HAGH: variants seen among roughly 807,000 people sequenced by gnomAD.
HAGH encodes hydroxyacylglutathione hydrolase.
A neutral mutation model predicts 35.1 loss-of-function variants in HAGH; 29 were observed. The observed-to-expected ratio is 0.83, with a 90% CI of 0.62 to 1.13. The LOEUF (loss-of-function observed/expected upper bound fraction) is 1.13, where lower values mean the gene tolerates loss of function less well. Among genes scored for constraint, HAGH ranks in the 50% most tolerant of loss-of-function variants. HAGH has a pLI of 0.00. For synonymous variants in HAGH, 225 were observed against 176.1 expected (o/e 1.28, Z -2.20); for missense variants, 478 against 419.6 (o/e 1.14, Z -1.22).
At chr16:1,825,960 T>A (rs534984351) in intron 1 of HAGH, among the ~76,000 whole-genome samples, 25 of 152,304 alleles carry the variant, frequency 1.6e-4, no homozygotes, top group African/African-American at 6.0e-4. Context: ...TAGAATGGGG[T>A]ACGCACGCCC....
chr16:1,817,839 C>T (rs886426181), intron 5 of HAGH, among the ~76,000 whole-genome samples: 1 of 152,212 alleles, frequency 6.6e-6, no homozygotes, highest in African/African-American at 2.4e-5. Flanking sequence ...TGCTGCTTCG[C>T]GGCTGTCCTG....
At chr16:1,817,852 C>T (rs1013261844) in intron 5 of HAGH, among the ~76,000 whole-genome samples, 13 of 152,238 alleles carry the variant, frequency 8.5e-5, no homozygotes, top group African/African-American at 3.1e-4. Flanking sequence ...CTGTCCTGGC[C>T]TCGCTGACCT....
At chr16:1,815,411 T>C (rs1897845263) in intron 7 of HAGH, among the ~76,000 whole-genome samples, 1 of 152,188 alleles carries the variant, frequency 6.6e-6, no homozygotes, top group African/African-American at 2.4e-5. Context: ...AGCAAAAAAC[T>C]GGAAACAGAC....
intron 1 of HAGH, among the ~76,000 whole-genome samples, chr16:1,825,039 C>T (rs1898334398): frequency 6.6e-6 from 1 of 152,210 alleles, no homozygotes. Context: ...AAAATACTGC[C>T]CACGTGCGGT....
chr16:1,826,798 G>T lies in HAGH; in HGVS notation c.-11C>A. 8.2e-7 allele frequency: 1 copy of T among 1,218,688 alleles called. No homozygotes were observed. Among genetic ancestry groups the T allele is most frequent in the Non-Finnish European group, 1.0e-6 (1 of 977,424 alleles). 75.5% of individuals were successfully genotyped at this position (1,218,688 alleles called of 1,614,324 possible). On this transcript the variant is annotated 5_prime_UTR_variant, in exon 1 of 9. Coordinates refer to ENST00000397356, the MANE Select transcript of HAGH (RefSeq NM_005326.6). ...TCGGCCCACCACCATGACCCGGGCC[G>T]GGCTGGACTGCCGAGCTGCCCAGGA...
intron 5 of HAGH, among the ~76,000 whole-genome samples, chr16:1,817,519 C>G (rs1897960982): frequency 6.6e-6 from 1 of 150,544 alleles, no homozygotes; most frequent in African/African-American, 2.5e-5. Flanking sequence ...TCCTCCCTCA[C>G]TGCCCCCAAT....
At chr16:1,817,414 C>T in intron 5 of HAGH, 143 bp from the exon 6 acceptor site, 3 of 657,518 alleles carry the variant, frequency 4.6e-6, no homozygotes, top group South Asian at 3.5e-5. Context: ...TGCCCAGACT[C>T]AGCCCCCCTG....
chr16:1,823,855 C>T (rs28629422), intron 1 of HAGH, among the ~76,000 whole-genome samples: 7,243 of 150,506 alleles, frequency 0.048, 463 homozygotes, highest in East Asian at 0.15. Context: ...TTCAGACTTA[C>T]GATCTCTATT....
intron 1 of HAGH, among the ~76,000 whole-genome samples, chr16:1,825,767 G>A (rs1257039089): frequency 3.9e-5 from 6 of 152,268 alleles, no homozygotes; most frequent in South Asian, 2.1e-4. Context: ...TAGCGATGAG[G>A]TCTCAACATG....
At chr16:1,817,945 T>TCTC (rs60015749) in intron 5 of HAGH, among the ~76,000 whole-genome samples, 14,031 of 152,200 alleles carry the variant, frequency 0.092, 789 homozygotes, top group African/African-American at 0.16. Context: ...CCGCCCCACT[T>TCTC]CTCACCACCT....
chr16:1,823,664 G>C (rs963766888), intron 1 of HAGH, among the ~76,000 whole-genome samples: 11 of 144,086 alleles, frequency 7.6e-5, no homozygotes, highest in African/African-American at 2.8e-4. Flanking sequence ...GATCACTTGA[G>C]CCCAGGAGTT....
intron 5 of HAGH, 126 bp from the exon 6 acceptor site, chr16:1,817,397 C>T (rs537415852): frequency 1.5e-6 from 1 of 679,602 alleles, no homozygotes; most frequent in African/African-American, 1.8e-5. Flanking sequence ...TGCCCTCCGG[C>T]CACGGCTGCC....
chr16:1,810,068 G>A (rs1031426984), intron 7 of HAGH: 1 of 552,250 alleles, frequency 1.8e-6, no homozygotes. Context: ...AGGGGGCTGA[G>A]GTGGGAGGAT....
At position 1,826,814 on chromosome 16, in the gene HAGH, CT is replaced by C; in HGVS notation, c.-28del. ...ACCCGGGCCGGGCTGGACTGCCGAGCTGCCCAGGACTGCAAAACACCGGCGT... is the reference window on the plus strand; with the variant it reads ...ACCCGGGCCGGGCTGGACTGCCGAGCGCCCAGGACTGCAAAACACCGGCGT... On this transcript the variant is annotated 5_prime_UTR_variant, in exon 1 of 9. Transcript: ENST00000397356. 1 of 1,200,844 alleles carries C rather than the reference CT, an allele frequency of 8.3e-7. No individual in the cohort carries two copies. The highest frequency in any genetic ancestry group is 1.0e-6 in the Non-Finnish European group (1 of 958,882). 74.4% of individuals were successfully genotyped at this position (1,200,844 alleles called of 1,614,324 possible).
In HAGH at chr16:1,816,892, C is replaced by T. The variant is rs756991738; in HGVS notation, c.747+1G>A. 1.2e-5 allele frequency: 19 copies of T among 1,605,836 alleles called. No homozygotes were observed. The highest frequency in any genetic ancestry group is 1.4e-5 in the Non-Finnish European group (17 of 1,172,886). On this transcript the variant is annotated splice_donor_variant, in intron 7 of 8. Coordinates refer to ENST00000397356, the MANE Select transcript of HAGH (RefSeq NM_005326.6). LOFTEE classifies it high-confidence loss of function. ...CACTGCGCAGTGACGGCCCCACTCA[C>T]CTTGGCCCAGGCCAGCTTCTCCCGG...
At chr16:1,822,404 C>T (rs755792087) in intron 2 of HAGH, 40 bp from the exon 3 acceptor site, 13 of 1,486,464 alleles carry the variant, frequency 8.7e-6, no homozygotes, top group Non-Finnish European at 1.2e-5. Flanking sequence ...CTGTCACACT[C>T]CTAGGCCTGG....
intron 4 of HAGH, chr16:1,819,691 T>A (rs1282080862): frequency 9.9e-6 from 6 of 603,886 alleles, no homozygotes; most frequent in Admixed American, 8.5e-5. Flanking sequence ...CTCAGAGCCC[T>A]GCTTCACAGC....
At chr16:1,822,153 G>C in intron 3 of HAGH, 147 bp downstream of exon 3, 1 of 642,332 alleles carries the variant, frequency 1.6e-6, no homozygotes, top group Non-Finnish European at 2.8e-6. Flanking sequence ...GCTACGGTGA[G>C]TCCCGGGTCT....
Position 1,819,849 on chromosome 16 carries a change from C to A in HAGH, c.432+48G>T, listed in dbSNP as rs199897236. 4 of 1,173,014 alleles carry A rather than the reference C, an allele frequency of 3.4e-6. No homozygotes were observed. The African/African-American group carries it at 4.5e-5, about 13-fold the overall frequency. The allele number at this position is 1,173,014 out of a possible 1,614,324, so 72.7% of individuals were successfully genotyped here. On this transcript the variant is annotated intron_variant, in intron 4 of 8. Transcript: ENST00000397356. ...TGCGGGGAGGGACCCCCCTCCCCCA[C>A]GCTCCTGACAGGGCCACGCTGGAGC...
Sources: gnomAD v4.1 joint callset for allele counts (sites outside exome capture counted in the v4.1 genomes callset) on GRCh38, gnomAD v4.1.1 for gene constraint, MANE v1.5 for transcripts, NCBI Gene and HGNC (gene_info 2026-07-23, HGNC 2026-07-21) for gene names.